The following ZNF585A variants were observed in gnomAD, a reference collection of about 807,000 sequenced individuals.
ZNF585A encodes zinc finger protein 585A.
In ZNF585A, 9 loss-of-function variants were observed where a neutral mutation model predicts 14.9. The observed-to-expected ratio is 0.60, with a 90% confidence interval of 0.36 to 1.05. ZNF585A has a LOEUF of 1.05. Ranked by LOEUF, ZNF585A falls within the 50% of genes least tolerant of loss-of-function variation. ZNF585A has a pLI of 0.01. For synonymous variants in ZNF585A, 276 were observed against 319.9 expected, an observed-to-expected ratio of 0.86 and a Z score of 1.46; for missense variants, 726 against 926.4, an observed-to-expected ratio of 0.78 and a Z score of 2.81.
chr19:37,170,055 C>G lies in ZNF585A; in HGVS notation c.-144-1G>C. The G allele has an allele frequency of 1.2e-6, 1 of 844,442 alleles. No homozygotes were observed. The highest frequency in any genetic ancestry group is 1.8e-6 in the Non-Finnish European group (1 of 552,764). 52.3% of individuals were successfully genotyped at this position (844,442 alleles called of 1,614,324 possible). On this transcript the variant is annotated splice_acceptor_variant, in intron 1 of 4. Transcript: ENST00000292841. LOFTEE classifies it low-confidence loss of function (5UTR_SPLICE). ...GGGCTCCCCAGAGACACCCAGAAAC[C>G]TGGAAAGACAATGTTCCCATAGTCA...
intron 2 of ZNF585A, among the ~76,000 whole-genome samples, chr19:37,167,197 T>C (rs539642510): frequency 6.6e-6 from 1 of 152,128 alleles, no homozygotes; most frequent in Non-Finnish European, 1.5e-5. Flanking sequence ...GTTTTTGACA[T>C]GGAGTCTCAC....
chr19:37,161,566 T>C (rs1225421219), intron 2 of ZNF585A, among the ~76,000 whole-genome samples: 1 of 152,100 alleles, frequency 6.6e-6, no homozygotes, highest in Non-Finnish European at 1.5e-5. Flanking sequence ...AAGTTACATA[T>C]AGTGTGCATG....
Position 37,153,156 on chromosome 19 carries a change from C to T in ZNF585A, c.743G>A (p.Gly248Asp). The change falls in exon 5 of 5, where the codon GGC becomes GAC. Residue 248 changes from glycine to aspartate, a missense_variant. Physicochemically the swap from Gly to Asp is moderately conservative, Grantham distance 94. This residue lies in a region of ZNF585A where 483 missense variants were observed against 542.8 expected (regional missense o/e 0.89). Transcript: ENST00000292841. ...TGTGGACTTTTGTGTGAATGCTTTG[C>T]CACAGTCAGTGCATTCATGGTGTCT... is the stretch of plus-strand genomic sequence containing the variant. ...GERHHECTDC[G>D]KAFTQKSTLK... is the part of the protein sequence containing the mutation. 6.2e-7 allele frequency: 1 copy of T among 1,614,080 alleles called. No homozygotes were observed. The highest frequency in any genetic ancestry group is 1.3e-5 in the African/African-American group (1 of 75,000).
At position 37,151,253 on chromosome 19, in the gene ZNF585A, C is replaced by G; in HGVS notation, c.*336G>C. 1 of 431,940 alleles carries G rather than the reference C, an allele frequency of 2.3e-6. No homozygotes were observed. 26.8% of individuals were successfully genotyped at this position (431,940 alleles called of 1,614,324 possible). A position where few individuals can be genotyped will look rare whatever the true frequency, so the allele number is the denominator to read the frequency against. The stretch of plus-strand genomic sequence containing the variant: ...GGCACTATACCTAATCCACAGTAAA[C>G]AGGATTATCGTTAACTTAATACGAT... On this transcript the variant is annotated 3_prime_UTR_variant, in exon 5 of 5. Transcript: ENST00000292841.
chr19:37,157,388 T>C (rs1291110717), intron 2 of ZNF585A, among the ~76,000 whole-genome samples: 2 of 152,196 alleles, frequency 1.3e-5, no homozygotes, highest in Non-Finnish European at 2.9e-5. Flanking sequence ...CAGAAATAAT[T>C]ATGTGTCCAA....
Position 37,155,225 on chromosome 19 carries a change from T to C in ZNF585A, c.292+640A>G, listed in dbSNP as rs145651101. On this transcript the variant is annotated intron_variant, in intron 4 of 4. Coordinates refer to ENST00000292841, the MANE Select transcript of ZNF585A (RefSeq NM_001288800.2). Reference sequence around the variant, plus strand: ...CCGTGGTCCCGATCTCCTGACCTCATGATCTGCCCGCCTCGGCCTCCCAAA... The same window carrying C: ...CCGTGGTCCCGATCTCCTGACCTCACGATCTGCCCGCCTCGGCCTCCCAAA... 2.3e-3 allele frequency among the ~76,000 whole-genome samples: 353 copies of C among 151,738 alleles called. 2 individuals carry two copies. The highest frequency in any genetic ancestry group is 3.9e-3 in the Non-Finnish European group (263 of 67,864).
chr19:37,158,855 G>A (rs193008661), intron 2 of ZNF585A, among the ~76,000 whole-genome samples: 28 of 152,280 alleles, frequency 1.8e-4, no homozygotes, highest in Admixed American at 1.3e-3. Flanking sequence ...ATATCTCTCC[G>A]AGATACATAT....
At chr19:37,171,242 G>C (rs754596866) in intron 1 of ZNF585A, among the ~76,000 whole-genome samples, 1 of 152,142 alleles carries the variant, frequency 6.6e-6, no homozygotes, top group Non-Finnish European at 1.5e-5. Context: ...TGGTGGGCTG[G>C]GAGGGATCTT....
intron 4 of ZNF585A, among the ~76,000 whole-genome samples, chr19:37,155,421 C>T (rs1158413064): frequency 2.0e-5 from 3 of 151,896 alleles, no homozygotes; most frequent in East Asian, 3.9e-4. Context: ...GAGGCCTAGA[C>T]GGGTGGATCA....
At position 37,153,429 on chromosome 19, in the gene ZNF585A, A is replaced by C. The variant is rs1392853957; in HGVS notation, c.470T>G (p.Leu157Arg). ...CTTCCCACATTCAATGCATACATAG[A>C]GCTTTTCTCCTGCAAGAACTTTCAG... Reference protein sequence around the residue: ...VHLKVLAGEKLYVCIECGKAF... With the variant: ...VHLKVLAGEKRYVCIECGKAF... The change falls in exon 5 of 5, where the codon CTC becomes CGC. Residue 157 changes from leucine (L) to arginine (R), a missense_variant. Physicochemically the swap from Leu to Arg is moderately radical, Grantham distance 102 (BLOSUM62 -2). Coordinates refer to ENST00000292841, the MANE Select transcript of ZNF585A (RefSeq NM_001288800.2). 6.2e-7 allele frequency: 1 copy of C among 1,614,160 alleles called. No homozygotes were observed. The highest frequency in any genetic ancestry group is 1.1e-5 in the South Asian group (1 of 91,076).
In ZNF585A at chr19:37,156,269, C is replaced by T. The variant is rs1241565427; in HGVS notation, c.159G>A (p.Arg53=). The T allele has an allele frequency of 2.5e-6, 4 of 1,614,008 alleles. No individual in the cohort carries two copies. Among genetic ancestry groups the T allele is most frequent in the Non-Finnish European group, 3.4e-6 (4 of 1,180,016 alleles). Residue 53 remains arginine (R), a synonymous_variant, in exon 3 of 5, where the codon CGG becomes CGA. Coordinates refer to ENST00000292841, the MANE Select transcript of ZNF585A (RefSeq NM_001288800.2). Reference sequence around the variant, plus strand: ...GGCTGTAGGTCTCCAGCATCACATCCCGGTACAGGTTTCTCTGAGAAGGGT... The same window carrying T: ...GGCTGTAGGTCTCCAGCATCACATCTCGGTACAGGTTTCTCTGAGAAGGGT... ...HLDPSQRNLY[R]DVMLETYSHL... is the part of the protein sequence containing the mutation.
chr19:37,165,984 T>C (rs1972085112), intron 2 of ZNF585A, among the ~76,000 whole-genome samples: 3 of 152,200 alleles, frequency 2.0e-5, no homozygotes, highest in Admixed American at 2.0e-4. Context: ...GTTTGAATCT[T>C]AGGTACGGAA....
chr19:37,161,803 GAA>G (rs951537431), intron 2 of ZNF585A, among the ~76,000 whole-genome samples: 1 of 150,814 alleles, frequency 6.6e-6, no homozygotes, highest in African/African-American at 2.4e-5. Context: ...TTTATTCTAA[GAA>G]AAAAAAAGTC....
chr19:37,156,107 G>C, intron 3 of ZNF585A, 122 bp downstream of exon 3: 1 of 1,552,380 alleles, frequency 6.4e-7, no homozygotes, highest in Non-Finnish European at 8.7e-7. Flanking sequence ...AACAAATAAA[G>C]AATCCTAGAC....
Position 37,152,731 on chromosome 19 carries a change from C to T in ZNF585A, c.1168G>A (p.Ala390Thr), listed in dbSNP as rs1298787587. ...KPYECSDCGK[A>T]FTQKSALTVH... ...GTGAGTGCTGACTTCTGAGTGAAGG[C>T]TTTCCCACAGTCACTGCATTCATAA... Residue 390 changes from alanine to threonine, a missense_variant, in exon 5 of 5, where the codon GCC (alanine) becomes ACC (threonine). Around this residue, in one of 2 missense-constraint regions of ZNF585A, gnomAD observed 483 missense variants for 542.8 expected, o/e 0.89. Transcript: ENST00000292841. The T allele has an allele frequency of 1.9e-6, 3 of 1,614,112 alleles. No individual in the cohort carries two copies. In the South Asian group the frequency reaches 3.3e-5, roughly 18 times the overall value.
chr19:37,158,552 C>T (rs1971966134), intron 2 of ZNF585A, among the ~76,000 whole-genome samples: 3 of 152,076 alleles, frequency 2.0e-5, no homozygotes, highest in Admixed American at 2.0e-4. Flanking sequence ...AATATGAAGA[C>T]CAAGACATCA....
In ZNF585A at chr19:37,151,350, T is replaced by C; in HGVS notation, c.*239A>G. ...GAGAAGGCTTTTCCTATTCACCAAA[T>C]TGACTCGGTTCCTTGTCAGTATGAA... is the stretch of plus-strand genomic sequence containing the variant. On this transcript the variant is annotated 3_prime_UTR_variant, in exon 5 of 5. Coordinates refer to ENST00000292841, the MANE Select transcript of ZNF585A (RefSeq NM_001288800.2). The C allele has an allele frequency of 2.2e-6, 1 of 462,070 alleles. No individual in the cohort carries two copies. Among genetic ancestry groups the C allele is most frequent in the Non-Finnish European group, 3.8e-6 (1 of 262,574 alleles). The allele number at this position is 462,070 out of a possible 1,614,324, so 28.6% of individuals were successfully genotyped here. A position where few individuals can be genotyped will look rare whatever the true frequency, so the allele number is the denominator to read the frequency against.
intron 2 of ZNF585A, among the ~76,000 whole-genome samples, chr19:37,157,326 G>A (rs750220446): frequency 1.1e-4 from 17 of 152,146 alleles, no homozygotes; most frequent in African/African-American, 3.4e-4. Context: ...AATGACCTGC[G>A]ATATGCTTTC....
chr19:37,148,779 GAATA>G lies in ZNF585A; in HGVS notation c.*2806_*2809del, dbSNP rs1326725809. On this transcript the variant is annotated 3_prime_UTR_variant, in exon 5 of 5. Coordinates refer to ENST00000292841, the MANE Select transcript of ZNF585A (RefSeq NM_001288800.2). ...AGCATCCAACAGTCCTTCAGTAGGT[GAATA>G]AATAAACATCCAGACGATGGAACAT... 2.0e-5 allele frequency: 3 copies of G among 152,078 alleles called. No individual in the cohort carries two copies. Among genetic ancestry groups the G allele is most frequent in the African/African-American group, 7.2e-5 (3 of 41,426 alleles). The allele number at this position is 152,078 out of a possible 1,614,324, so 9.4% of individuals were successfully genotyped here. A position where few individuals can be genotyped will look rare whatever the true frequency, so the allele number is the denominator to read the frequency against.
Sources: gnomAD v4.1 joint callset for allele counts (sites outside exome capture counted in the v4.1 genomes callset) on GRCh38, gnomAD v4.1.1 for gene constraint, gnomAD v4.1.1 regional missense constraint, MANE v1.5 for transcripts, NCBI Gene and HGNC (gene_info 2026-07-23, HGNC 2026-07-21) for gene names.